RBFOX1: variants seen among roughly 807,000 people sequenced by gnomAD.
The protein encoded by RBFOX1 is RNA binding protein fox-1 homolog 1.
Under a neutral mutation model 57.7 loss-of-function variants are expected in RBFOX1, and 8 were observed. That is an observed-to-expected ratio of 0.14 (90% confidence interval 0.08 to 0.25). RBFOX1 has a LOEUF of 0.25. RBFOX1 is among the 10% of genes least tolerant of loss of function. RBFOX1 has a pLI of 1.00. For missense variants in RBFOX1, 611 were observed against 548.5 expected, an observed-to-expected ratio of 1.11 and a Z score of -1.14; for synonymous variants, 326 against 222.4, an observed-to-expected ratio of 1.47 and a Z score of -4.15.
At chr16:7,468,556 A>C (rs1475172511) in intron 4 of RBFOX1, among the ~76,000 whole-genome samples, 1 of 151,306 alleles carries the variant, frequency 6.6e-6, no homozygotes, top group Non-Finnish European at 1.5e-5. Context: ...ATACACATGG[A>C]ACTTCGGAAA....
At chr16:5,982,822 A>T (rs2060200273) in intron 4 of RBFOX1, among the ~76,000 whole-genome samples, 1 of 152,212 alleles carries the variant, frequency 6.6e-6, no homozygotes, top group African/African-American at 2.4e-5. Context: ...AATACCTGGA[A>T]TGTGGAGCCT....
intron 3 of RBFOX1, among the ~76,000 whole-genome samples, chr16:6,706,224 G>T (rs1465307067): frequency 6.6e-6 from 1 of 152,208 alleles, no homozygotes; most frequent in African/African-American, 2.4e-5. Flanking sequence ...GTTCACAACA[G>T]CAGTGGCTTT....
Position 6,013,172 on chromosome 16 carries a change from G to A in RBFOX1, c.351+145837G>A, listed in dbSNP as rs140615883. On this transcript the variant is annotated intron_variant, in intron 4 of 19. Coordinates refer to the RBFOX1 transcript ENST00000641259. ...TAAGTAGTAGATATGGAATATGAAC[G>A]CAGGCTGTCCTACTCATGAGCTCCG... Among the ~76,000 whole-genome samples, 47 of 152,206 alleles carry A rather than the reference G, an allele frequency of 3.1e-4. 1 individual carries two copies. The East Asian group carries it at 6.8e-3, about 22-fold the overall frequency.
At chr16:6,607,798 C>G (rs1175407732) in intron 2 of RBFOX1, among the ~76,000 whole-genome samples, 3 of 152,206 alleles carry the variant, frequency 2.0e-5, no homozygotes, top group African/African-American at 4.8e-5. Context: ...AATAATGTTT[C>G]ACATCCTAAT....
In RBFOX1 at chr16:5,823,337, A is replaced by G. The variant is rs906152790; in HGVS notation, c.319-43966A>G. ...TAACTGAATACCAGATGGCAAGTAC[A>G]TAAAGGAAGGGGTAGCTCCTGCCTC... is the stretch of plus-strand genomic sequence containing the variant. On this transcript the variant is annotated intron_variant, in intron 3 of 19. Coordinates refer to the RBFOX1 transcript ENST00000641259. 3.3e-5 allele frequency among the ~76,000 whole-genome samples: 5 copies of G among 152,224 alleles called. No individual in the cohort carries two copies. The East Asian group carries it at 7.7e-4, about 23-fold the overall frequency.
chr16:7,339,671 C>G (rs2096856509), intron 4 of RBFOX1, among the ~76,000 whole-genome samples: 1 of 152,162 alleles, frequency 6.6e-6, no homozygotes, highest in Admixed American at 6.5e-5. Flanking sequence ...AACTCCTGAC[C>G]TCAGGTGATC....
intron 2 of RBFOX1, among the ~76,000 whole-genome samples, chr16:6,626,805 G>T (rs1278211885): frequency 6.6e-6 from 1 of 151,950 alleles, no homozygotes; most frequent in Admixed American, 6.6e-5. Flanking sequence ...ATAAAGTATA[G>T]AATTCAGTTT....
At chr16:7,399,549 C>A (rs1228928317) in intron 4 of RBFOX1, among the ~76,000 whole-genome samples, 1 of 152,222 alleles carries the variant, frequency 6.6e-6, no homozygotes, top group African/African-American at 2.4e-5. Flanking sequence ...AATCCATACC[C>A]TGGCTCTCTT....
intron 4 of RBFOX1, among the ~76,000 whole-genome samples, chr16:7,306,231 G>GTAAATGAAGCCATTGCTCACTGT (rs2096181783): frequency 6.6e-6 from 1 of 151,932 alleles, no homozygotes; most frequent in African/African-American, 2.4e-5. Flanking sequence ...TTACTCATTT[G>GTAAATGAAGCCATTGCTCACTGT]GGCACAACTT....
chr16:7,605,798 C>G (rs563510235), intron 9 of RBFOX1, among the ~76,000 whole-genome samples: 1 of 152,258 alleles, frequency 6.6e-6, no homozygotes, highest in African/African-American at 2.4e-5. Context: ...CTCAAGGACT[C>G]AGAGCAAAGG....
At chr16:7,576,328 C>T (rs1381012609) in intron 5 of RBFOX1, among the ~76,000 whole-genome samples, 1 of 152,128 alleles carries the variant, frequency 6.6e-6, no homozygotes, top group Admixed American at 6.6e-5. Context: ...TGTGTGATTC[C>T]AAAACCCTGG....
rs551280356 is a variant in RBFOX1 at position 7,578,574 on chromosome 16, C to T, written c.271-1203C>T. 3.3e-5 allele frequency among the ~76,000 whole-genome samples: 5 copies of T among 152,222 alleles called. No individual in the cohort carries two copies. The South Asian group carries it at 6.2e-4, about 19-fold the overall frequency. On this transcript the variant is annotated intron_variant, in intron 5 of 15. Transcript: ENST00000550418. ...TTCACTTTGTAAGATTGTCTTCTCT[C>T]GGTCGTTATTATTTTACACCTGGCT... is the stretch of plus-strand genomic sequence containing the variant.
chr16:6,522,918 G>C (rs570609242), intron 2 of RBFOX1, among the ~76,000 whole-genome samples: 1 of 152,090 alleles, frequency 6.6e-6, no homozygotes, highest in Admixed American at 6.6e-5. Flanking sequence ...TTTTGGACTC[G>C]GGGACTTCGC....
At chr16:6,220,814 A>T (rs1269142522) in intron 1 of RBFOX1, among the ~76,000 whole-genome samples, 1 of 152,166 alleles carries the variant, frequency 6.6e-6, no homozygotes, top group East Asian at 1.9e-4. Flanking sequence ...CCACCCTCAG[A>T]TGTATTTTTT....
intron 1 of RBFOX1, among the ~76,000 whole-genome samples, chr16:5,312,488 G>T (rs1442771023): frequency 3.9e-5 from 6 of 152,032 alleles, no homozygotes; most frequent in African/African-American, 1.4e-4. Flanking sequence ...ACTAAATTTT[G>T]TGGTTTTTAG....
At chr16:5,921,013 G>A (rs2058809424) in intron 4 of RBFOX1, among the ~76,000 whole-genome samples, 1 of 145,948 alleles carries the variant, frequency 6.9e-6, no homozygotes, top group African/African-American at 2.5e-5. Context: ...TGGATAATGG[G>A]AATCATTGAT....
At chr16:6,030,449 A>G (rs562450114) in intron 1 of RBFOX1, among the ~76,000 whole-genome samples, 193 of 152,340 alleles carry the variant, frequency 1.3e-3, no homozygotes, top group African/African-American at 4.5e-3. Context: ...GATTTTGCGT[A>G]TTAACCTCAC....
At chr16:6,110,759 A>G (rs902955039) in intron 1 of RBFOX1, among the ~76,000 whole-genome samples, 4 of 152,152 alleles carry the variant, frequency 2.6e-5, no homozygotes, top group African/African-American at 9.7e-5. Context: ...AGAGGACACT[A>G]GGCCATGCCT....
At chr16:5,598,882 A>C in intron 2 of RBFOX1, 1 of 1,484,660 alleles carries the variant, frequency 6.7e-7, no homozygotes, top group Non-Finnish European at 8.9e-7. Flanking sequence ...CTTTTTCTCT[A>C]TTTGTTTGTT....
Sources: gnomAD v4.1 joint callset for allele counts (sites outside exome capture counted in the v4.1 genomes callset) on GRCh38, gnomAD v4.1.1 for gene constraint, MANE v1.5 for transcripts, NCBI Gene and HGNC (gene_info 2026-07-23, HGNC 2026-07-21) for gene names.